ROR1: variants seen among roughly 807,000 people sequenced by gnomAD.
ROR1 encodes the protein inactive tyrosine-protein kinase transmembrane receptor ROR1.
ROR1 carries 19 observed loss-of-function variants against 78.8 expected under a neutral mutation model. The ratio of observed to expected loss-of-function variants is 0.24; its 90% CI spans 0.17 to 0.35. The LOEUF (loss-of-function observed/expected upper bound fraction) is 0.35. Among genes scored for constraint, ROR1 ranks in the 10% least tolerant of loss-of-function variants. The probability of loss-of-function intolerance (pLI) is 1.00; values close to 1 mark genes in which losing one functional copy is unlikely to be tolerated. For synonymous variants in ROR1, 386 were observed against 433.6 expected, an observed-to-expected ratio of 0.89 and a Z score of 1.36; for missense variants, 917 against 1,177.8, an observed-to-expected ratio of 0.78 and a Z score of 3.24.
chr1:64,096,640 A>G (rs1471866469), intron 4 of ROR1, among the ~76,000 whole-genome samples: 2 of 152,072 alleles, frequency 1.3e-5, no homozygotes, highest in Non-Finnish European at 2.9e-5. Flanking sequence ...TGTCCAGTCT[A>G]TCATTGATGG....
At chr1:63,959,686 G>A (rs1472120363) in intron 1 of ROR1, among the ~76,000 whole-genome samples, 1 of 152,152 alleles carries the variant, frequency 6.6e-6, no homozygotes, top group Non-Finnish European at 1.5e-5. Flanking sequence ...GGCACAGTTA[G>A]ACAGCCGGCT....
At chr1:63,984,537 A>T (rs1646235657) in intron 1 of ROR1, among the ~76,000 whole-genome samples, 1 of 152,182 alleles carries the variant, frequency 6.6e-6, no homozygotes, top group Non-Finnish European at 1.5e-5. Context: ...AGTCCTGTAA[A>T]TGTTATTAGG....
chr1:64,013,281 T>A (rs1483834603), intron 2 of ROR1, among the ~76,000 whole-genome samples: 1 of 152,198 alleles, frequency 6.6e-6, no homozygotes, highest in Non-Finnish European at 1.5e-5. Flanking sequence ...ACATCTTAGA[T>A]TCTGATAAAT....
intron 2 of ROR1, among the ~76,000 whole-genome samples, chr1:64,044,189 A>G (rs928202893): frequency 6.6e-6 from 1 of 152,156 alleles, no homozygotes; most frequent in African/African-American, 2.4e-5. Flanking sequence ...GGCCTGAGCT[A>G]ACCCATTTTG....
intron 2 of ROR1, among the ~76,000 whole-genome samples, chr1:64,021,832 A>G (rs1442055688): frequency 6.6e-6 from 1 of 152,178 alleles, no homozygotes; most frequent in African/African-American, 2.4e-5. Context: ...TTTAATAAAT[A>G]TCCTATACTC....
intron 1 of ROR1, among the ~76,000 whole-genome samples, chr1:63,918,714 C>T (rs1645629777): frequency 6.6e-6 from 1 of 152,074 alleles, no homozygotes; most frequent in African/African-American, 2.4e-5. Flanking sequence ...GTCAGTGGTG[C>T]CAGAGACCGT....
intron 1 of ROR1, among the ~76,000 whole-genome samples, chr1:63,897,274 A>G (rs993579601): frequency 2.0e-5 from 3 of 152,254 alleles, no homozygotes; most frequent in African/African-American, 7.2e-5. Context: ...CATAACATAC[A>G]TAAATTTTAA....
rs907340939 is a variant in ROR1 at position 64,143,045 on chromosome 1, A to G, written c.1174+395A>G. On this transcript the variant is annotated intron_variant, in intron 7 of 8. Coordinates refer to ENST00000371079, the MANE Select transcript of ROR1 (RefSeq NM_005012.4). ...AAGAAATTGTTTTCTGTATGCCTTA[A>G]GAACACCACAAGGCAGGATGAATCT... The G allele has an allele frequency of 9.2e-6, 10 of 1,081,534 alleles. No individual in the cohort carries two copies. The East Asian group carries it at 6.9e-4, about 75-fold the overall frequency. The allele number at this position is 1,081,534 out of a possible 1,614,324, so 67.0% of individuals were successfully genotyped here. A position where few individuals can be genotyped will look rare whatever the true frequency, so the allele number is the denominator to read the frequency against.
intron 1 of ROR1, among the ~76,000 whole-genome samples, chr1:63,780,069 A>G (rs1477095586): frequency 6.6e-6 from 1 of 152,208 alleles, no homozygotes; most frequent in Non-Finnish European, 1.5e-5. Flanking sequence ...GGTTTTGTAC[A>G]GTCTTGATCC....
At chr1:63,980,245 C>T (rs1332367527) in intron 1 of ROR1, among the ~76,000 whole-genome samples, 6 of 151,890 alleles carry the variant, frequency 4.0e-5, no homozygotes, top group Non-Finnish European at 7.4e-5. Context: ...GAATTTGAGG[C>T]CTGAGGGGTT....
chr1:64,165,868 C>T (rs1650072649), intron 8 of ROR1, among the ~76,000 whole-genome samples: 1 of 151,936 alleles, frequency 6.6e-6, no homozygotes. Flanking sequence ...CCACACGTGG[C>T]TAATTTTTGT....
intron 1 of ROR1, among the ~76,000 whole-genome samples, chr1:63,884,869 G>T (rs528748157): frequency 1.2e-3 from 178 of 151,934 alleles, no homozygotes; most frequent in African/African-American, 3.9e-3. Flanking sequence ...GTCAGAAAAG[G>T]CACCAAGGTA....
chr1:64,092,110 TCCCTC>T (rs1647203442), intron 4 of ROR1, among the ~76,000 whole-genome samples: 1 of 73,912 alleles, frequency 1.4e-5, no homozygotes, highest in African/African-American at 4.7e-5. Context: ...CCTCCCTCCC[TCCCTC>T]CCTCCCTTCC....
chr1:63,841,871 C>G (rs1200516533), intron 1 of ROR1, among the ~76,000 whole-genome samples: 2 of 152,126 alleles, frequency 1.3e-5, no homozygotes, highest in African/African-American at 4.8e-5. Context: ...CCCTATATAT[C>G]TTTAATCCAA....
chr1:64,129,045 G>C (rs571490493), intron 4 of ROR1, among the ~76,000 whole-genome samples: 1 of 152,294 alleles, frequency 6.6e-6, no homozygotes, highest in East Asian at 1.9e-4. Context: ...GGGCATCTCT[G>C]TATTGCCTTT....
At chr1:64,140,670 A>C (rs566694979) in intron 6 of ROR1, among the ~76,000 whole-genome samples, 1 of 152,242 alleles carries the variant, frequency 6.6e-6, no homozygotes, top group Non-Finnish European at 1.5e-5. Flanking sequence ...TAGAATTACT[A>C]TATGACCTAG....
Position 64,140,365 on chromosome 1 carries a change from G to A in ROR1, c.867G>A (p.Glu289=). ...LPNCEDLPQP[E]SPEAANCIRI... is the part of the protein sequence containing the mutation. Reference sequence around the variant, plus strand: ...ACTGTGAAGATCTCCCCCAGCCAGAGAGCCCAGAAGCTGCGAACTGTATCC... The same window carrying A: ...ACTGTGAAGATCTCCCCCAGCCAGAAAGCCCAGAAGCTGCGAACTGTATCC... The change falls in exon 6 of 9, where the codon GAG becomes GAA. Residue 289 remains glutamate, a synonymous_variant. Coordinates refer to ENST00000371079, the MANE Select transcript of ROR1 (RefSeq NM_005012.4). The A allele has an allele frequency of 6.2e-7, 1 of 1,613,772 alleles. No homozygotes were observed. Among genetic ancestry groups the A allele is most frequent in the Non-Finnish European group, 8.5e-7 (1 of 1,179,900 alleles).
chr1:63,798,830 G>A (rs1011220530), intron 1 of ROR1, among the ~76,000 whole-genome samples: 6 of 151,776 alleles, frequency 4.0e-5, no homozygotes, highest in African/African-American at 1.2e-4. Context: ...ACTCAGAAAC[G>A]TTAAGCAAAA....
chr1:63,889,906 G>T (rs1225751053), intron 1 of ROR1, among the ~76,000 whole-genome samples: 1 of 151,964 alleles, frequency 6.6e-6, no homozygotes, highest in African/African-American at 2.4e-5. Flanking sequence ...ATCCAAGAAG[G>T]ATACTAATAA....
Sources: gnomAD v4.1 joint callset for allele counts (sites outside exome capture counted in the v4.1 genomes callset) on GRCh38, gnomAD v4.1.1 for gene constraint, MANE v1.5 for transcripts, NCBI Gene and HGNC (gene_info 2026-07-23, HGNC 2026-07-21) for gene names.